The following OSBPL8 variants were observed in gnomAD, a reference collection of about 807,000 sequenced individuals.
OSBPL8 encodes the protein oxysterol-binding protein-related protein 8.
In OSBPL8, 59 loss-of-function variants were observed where a neutral mutation model predicts 125.5. The observed-to-expected ratio is 0.47, with a 90% CI of 0.38 to 0.58. The LOEUF is 0.58. Among genes scored for constraint, OSBPL8 ranks in the 20% least tolerant of loss-of-function variants. The pLI is 0.00. For missense variants in OSBPL8, 758 were observed against 1,047.8 expected (o/e 0.72, Z 3.82); for synonymous variants, 330 against 338.9 (o/e 0.97, Z 0.29).
At chr12:76,532,036 CA>C (rs56122052) in intron 1 of OSBPL8, among the ~76,000 whole-genome samples, 7,746 of 89,914 alleles carry the variant, frequency 0.086, 593 homozygotes, top group African/African-American at 0.28. Flanking sequence ...GACTCCTTCT[CA>C]AAAAAAAAAA....
intron 1 of OSBPL8, among the ~76,000 whole-genome samples, chr12:76,531,896 G>A (rs889101364): frequency 6.6e-6 from 1 of 151,960 alleles, no homozygotes; most frequent in African/African-American, 2.4e-5. Flanking sequence ...AATTAGCCAG[G>A]CATGGTGGTG....
At chr12:76,383,963 A>G (rs890476251) in intron 15 of OSBPL8, among the ~76,000 whole-genome samples, 4 of 152,204 alleles carry the variant, frequency 2.6e-5, no homozygotes, top group Admixed American at 2.6e-4. Flanking sequence ...GAAACACAAA[A>G]AACTGGCCAG....
At chr12:76,555,256 A>G (rs1022981814) in intron 1 of OSBPL8, among the ~76,000 whole-genome samples, 1 of 152,208 alleles carries the variant, frequency 6.6e-6, no homozygotes, top group Non-Finnish European at 1.5e-5. Flanking sequence ...ACGTAGAGAA[A>G]AAAAGCTTAA....
chr12:76,556,359 C>A (rs1232685366), intron 1 of OSBPL8, among the ~76,000 whole-genome samples: 2 of 152,168 alleles, frequency 1.3e-5, no homozygotes, highest in East Asian at 3.9e-4. Flanking sequence ...CTCTCCCTTG[C>A]AAGCTTGATA....
chr12:76,492,926 A>T (rs1413674048), intron 1 of OSBPL8, among the ~76,000 whole-genome samples: 1 of 150,782 alleles, frequency 6.6e-6, no homozygotes, highest in East Asian at 1.9e-4. Flanking sequence ...ATATATAGAT[A>T]TATATAGATA....
Position 76,548,111 on chromosome 12 carries a change from G to T in OSBPL8, c.-68+11286C>A, listed in dbSNP as rs1026355404. On this transcript the variant is annotated intron_variant, in intron 1 of 23. Coordinates refer to ENST00000261183, the MANE Select transcript of OSBPL8 (RefSeq NM_020841.5). ...AAGAAGACTTCTAATAAAAGATGGG[G>T]CGCTAAATACAAACTTTCCCTTCAG... 3.9e-5 allele frequency among the ~76,000 whole-genome samples: 6 copies of T among 152,012 alleles called. 1 individual carries two copies. Among genetic ancestry groups the T allele is most frequent in the Admixed American group, 1.3e-4 (2 of 15,260 alleles).
intron 1 of OSBPL8, among the ~76,000 whole-genome samples, chr12:76,541,619 C>G (rs1197347344): frequency 6.6e-6 from 1 of 152,158 alleles, no homozygotes; most frequent in African/African-American, 2.4e-5. Flanking sequence ...CTTTGGGATA[C>G]CAAGGTGGGC....
At position 76,354,054 on chromosome 12, in the gene OSBPL8, CTAATT is replaced by C. The variant is rs1410879587; in HGVS notation, c.*1830_*1834del. The C allele has an allele frequency of 1.3e-5, 2 of 152,116 alleles. No homozygotes were observed. The highest frequency in any genetic ancestry group is 3.0e-5 in the Non-Finnish European group (2 of 67,794). The allele number at this position is 152,116 out of a possible 1,614,324, so 9.4% of individuals were successfully genotyped here. A position where few individuals can be genotyped will look rare whatever the true frequency, so the allele number is the denominator to read the frequency against. On this transcript the variant is annotated 3_prime_UTR_variant, in exon 24 of 24. Transcript: ENST00000261183. ...AGCCAATCAATTTGTATGTAATTAACTAATTTAAACCATAAAAAAGATCAAATTGT... is the reference window on the plus strand; with the variant it reads ...AGCCAATCAATTTGTATGTAATTAACTAAACCATAAAAAAGATCAAATTGT...
rs1193549310 is a variant in OSBPL8 at position 76,409,164 on chromosome 12, CTG to C, written c.288+1398_288+1399del. ...ACTGACTCTTCTAAGCTGAAGGAAACTGAGAAAACTTGAAAAGCAGAAAGGTC... is the reference window on the plus strand; with the variant it reads ...ACTGACTCTTCTAAGCTGAAGGAAACAGAAAACTTGAAAAGCAGAAAGGTC... On this transcript the variant is annotated intron_variant, in intron 5 of 23. Transcript: ENST00000261183. 4.6e-5 allele frequency among the ~76,000 whole-genome samples: 7 copies of C among 152,098 alleles called. No homozygotes were observed. In the East Asian group the frequency reaches 1.3e-3, roughly 29 times the overall value.
chr12:76,386,756 A>G, intron 12 of OSBPL8, 96 bp from the exon 13 acceptor site: 1 of 775,106 alleles, frequency 1.3e-6, no homozygotes, highest in East Asian at 2.6e-5. Context: ...ACATGATTGG[A>G]AAACATAATT....
chr12:76,358,926 A>G, intron 21 of OSBPL8, 115 bp from the exon 22 acceptor site: 1 of 732,068 alleles, frequency 1.4e-6, no homozygotes, highest in Non-Finnish European at 2.3e-6. Context: ...AATAAAGACA[A>G]TGATGAAATA....
chr12:76,547,991 A>T (rs933769562), intron 1 of OSBPL8, among the ~76,000 whole-genome samples: 1 of 152,190 alleles, frequency 6.6e-6, no homozygotes, highest in Admixed American at 6.5e-5. Flanking sequence ...AGTGTATTTT[A>T]ACACTGTATC....
At chr12:76,434,091 C>T (rs1871174777) in intron 4 of OSBPL8, among the ~76,000 whole-genome samples, 1 of 151,698 alleles carries the variant, frequency 6.6e-6, no homozygotes, top group Non-Finnish European at 1.5e-5. Flanking sequence ...ATCACATTTG[C>T]TTATTTCAAA....
chr12:76,468,745 A>C (rs1219540488), intron 2 of OSBPL8, among the ~76,000 whole-genome samples: 8 of 152,188 alleles, frequency 5.3e-5, no homozygotes, highest in African/African-American at 1.9e-4. Flanking sequence ...CAAATAAATA[A>C]ATAATTCAAT....
chr12:76,452,551 C>G (rs1208725837), intron 3 of OSBPL8, among the ~76,000 whole-genome samples: 1 of 152,214 alleles, frequency 6.6e-6, no homozygotes, highest in Non-Finnish European at 1.5e-5. Context: ...TCCCCTCCCA[C>G]TACTTTCTCA....
At chr12:76,416,659 G>A (rs1055735414) in intron 4 of OSBPL8, among the ~76,000 whole-genome samples, 17 of 151,856 alleles carry the variant, frequency 1.1e-4, no homozygotes, top group African/African-American at 4.1e-4. Context: ...TGTTTGCATT[G>A]CTTTTTATCC....
chr12:76,438,581 A>G lies in OSBPL8; in HGVS notation c.217+12270T>C, dbSNP rs372528397. ...TCACTGGCAAAATTTGAAATATTTGAGATGAAGTGTAAATAGTCCACGTCT... is the reference window on the plus strand; with the variant it reads ...TCACTGGCAAAATTTGAAATATTTGGGATGAAGTGTAAATAGTCCACGTCT... On this transcript the variant is annotated intron_variant, in intron 4 of 23. Transcript: ENST00000261183. 3.3e-5 allele frequency among the ~76,000 whole-genome samples: 5 copies of G among 152,332 alleles called. No individual in the cohort carries two copies. In the South Asian group the frequency reaches 1.0e-3, roughly 32 times the overall value.
At chr12:76,402,046 C>T (rs1592610599) in intron 6 of OSBPL8, among the ~76,000 whole-genome samples, 1 of 151,954 alleles carries the variant, frequency 6.6e-6, no homozygotes, top group African/African-American at 2.4e-5. Flanking sequence ...AATTCTATAC[C>T]CTCAAAACTT....
At chr12:76,548,188 C>T (rs950307546) in intron 1 of OSBPL8, among the ~76,000 whole-genome samples, 4 of 151,958 alleles carry the variant, frequency 2.6e-5, no homozygotes, top group African/African-American at 9.7e-5. Flanking sequence ...GAAAGAAAAT[C>T]GTAACAGTAA....
Sources: allele counts gnomAD v4.1 joint callset (sites outside exome capture counted in the v4.1 genomes callset), GRCh38; gene constraint gnomAD v4.1.1; transcripts MANE v1.5; gene names NCBI Gene and HGNC (gene_info 2026-07-23, HGNC 2026-07-21).